TBCD: variants seen among roughly 807,000 people sequenced by gnomAD.
The protein encoded by TBCD is tubulin-specific chaperone D.
TBCD carries 105 observed loss-of-function variants against 169.3 expected under a neutral mutation model. The observed-to-expected ratio is 0.62, with a 90% CI of 0.53 to 0.73. The LOEUF (loss-of-function observed/expected upper bound fraction) is 0.73. TBCD is among the 30% of genes least tolerant of loss of function. TBCD has a pLI of 0.00. For missense variants in TBCD, 1,444 were observed against 1,600.1 expected (o/e 0.90, Z 1.66); for synonymous variants, 700 against 643.9 (o/e 1.09, Z -1.32).
chr17:82,926,985 G>A, intron 28 of TBCD: 1 of 711,584 alleles, frequency 1.4e-6, no homozygotes, highest in Admixed American at 3.0e-5. Flanking sequence ...TTCAACCGGA[G>A]AGACGGCAGA....
At position 82,756,154 on chromosome 17, in the gene TBCD, T is replaced by A; in HGVS notation, c.185-11T>A. On this transcript the variant is annotated splice_polypyrimidine_tract_variant and intron_variant, in intron 1 of 38. Coordinates refer to ENST00000355528, the MANE Select transcript of TBCD (RefSeq NM_005993.5). The stretch of plus-strand genomic sequence containing the variant: ...AGTGATAATTAATTTTCATGTTATA[T>A]TTGTTTTTAGTAATAATGGACAAAT... 6.2e-7 allele frequency: 1 copy of A among 1,601,120 alleles called. No homozygotes were observed. The highest frequency in any genetic ancestry group is 8.5e-7 in the Non-Finnish European group (1 of 1,173,166).
chr17:82,805,176 C>T (rs2050866426), intron 9 of TBCD, among the ~76,000 whole-genome samples: 1 of 152,222 alleles, frequency 6.6e-6, no homozygotes. Flanking sequence ...TCTGACGGCT[C>T]CTCACACAGC....
chr17:82,888,776 C>T (rs551671518), intron 15 of TBCD, among the ~76,000 whole-genome samples: 40 of 152,368 alleles, frequency 2.6e-4, no homozygotes, highest in African/African-American at 9.1e-4. Flanking sequence ...CAGCAGCCAT[C>T]GCTCAACCTT....
intron 13 of TBCD, among the ~76,000 whole-genome samples, chr17:82,844,752 T>G (rs1400824673): frequency 1.1e-5 from 1 of 90,982 alleles, no homozygotes; most frequent in African/African-American, 3.2e-5. Flanking sequence ...TTCAACCCCC[T>G]GTGTTACTCA....
Position 82,943,547 on chromosome 17 carries a change from CCTGGACA to C in TBCD, c.*1086_*1092del. 6.6e-6 allele frequency: 1 copy of C among 152,396 alleles called. No homozygotes were observed. Among genetic ancestry groups the C allele is most frequent in the South Asian group, 2.1e-4 (1 of 4,822 alleles). The allele number at this position is 152,396 out of a possible 1,614,324, so 9.4% of individuals were successfully genotyped here. A position where few individuals can be genotyped will look rare whatever the true frequency, so the allele number is the denominator to read the frequency against. ...GGCCTGCTCTCAGGTGGGGATGGGG[CCTGGACA>C]CAGGAACATGGGCAGGCCGAGAACT... On this transcript the variant is annotated 3_prime_UTR_variant, in exon 39 of 39. Coordinates refer to ENST00000355528, the MANE Select transcript of TBCD (RefSeq NM_005993.5).
At chr17:82,885,091 C>T (rs1276392886) in intron 15 of TBCD, among the ~76,000 whole-genome samples, 4 of 152,092 alleles carry the variant, frequency 2.6e-5, no homozygotes, top group Non-Finnish European at 4.4e-5. Flanking sequence ...TTGAGGGAGC[C>T]GTTCACACTC....
intron 13 of TBCD, among the ~76,000 whole-genome samples, chr17:82,842,419 G>T (rs112028689): frequency 0.019 from 2,846 of 152,266 alleles, 42 homozygotes; most frequent in Middle Eastern, 0.054. Context: ...CCTGGTCGAG[G>T]TGTTGTTTGG....
At position 82,863,393 on chromosome 17, in the gene TBCD, G is replaced by A. The variant is rs867516748; in HGVS notation, c.1319-6831G>A. ...CTGTACAGGACCCTTCAGTGATGAG[G>A]GTGGCCAGGCTCCAGCCAGGTCCTA... On this transcript the variant is annotated intron_variant, in intron 13 of 38. Transcript: ENST00000355528. Among the ~76,000 whole-genome samples the A allele has an allele frequency of 7.2e-5, 11 of 152,340 alleles. No homozygotes were observed. In the South Asian group the frequency reaches 1.5e-3, roughly 20 times the overall value.
intron 15 of TBCD, among the ~76,000 whole-genome samples, chr17:82,885,212 C>A (rs1177099214): frequency 6.6e-6 from 1 of 151,012 alleles, no homozygotes; most frequent in African/African-American, 2.4e-5. Context: ...TGGGACCAGG[C>A]GGAAGGGGTG....
At chr17:82,900,396 C>A (rs2059805447) in intron 17 of TBCD, 1 of 425,728 alleles carries the variant, frequency 2.3e-6, no homozygotes. Context: ...GTTTGTTTTC[C>A]CCGTGGATGA....
chr17:82,790,162 C>T (rs1169320235), intron 7 of TBCD, among the ~76,000 whole-genome samples: 5 of 152,180 alleles, frequency 3.3e-5, no homozygotes, highest in Non-Finnish European at 7.3e-5. Context: ...GAGCCATTTC[C>T]TTCTGTGAAG....
chr17:82,817,620 G>GT (rs1363091111), intron 13 of TBCD, among the ~76,000 whole-genome samples: 1 of 151,994 alleles, frequency 6.6e-6, no homozygotes, highest in African/African-American at 2.4e-5. Context: ...AATTAAAAAA[G>GT]TTTTTTGTAG....
intron 13 of TBCD, among the ~76,000 whole-genome samples, chr17:82,838,034 A>G (rs1445312444): frequency 2.0e-5 from 3 of 152,236 alleles, no homozygotes; most frequent in Non-Finnish European, 4.4e-5. Flanking sequence ...TTGTGTGCTC[A>G]GCCGATGCAC....
At chr17:82,755,489 G>A (rs561092106) in intron 1 of TBCD, among the ~76,000 whole-genome samples, 2 of 152,196 alleles carry the variant, frequency 1.3e-5, no homozygotes, top group Non-Finnish European at 2.9e-5. Flanking sequence ...CCTGCTGTCT[G>A]TCATGTGATG....
intron 4 of TBCD, among the ~76,000 whole-genome samples, chr17:82,767,485 A>G (rs1425336799): frequency 1.3e-5 from 2 of 151,768 alleles, no homozygotes; most frequent in Non-Finnish European, 2.9e-5. Flanking sequence ...CTTCTTGCCC[A>G]GGTTGGAGAG....
chr17:82,831,477 A>G lies in TBCD; in HGVS notation c.1318+16543A>G, dbSNP rs759755245. ...GTCTGAGACCATAGGAGGAAAATGC[A>G]GACTCTGGCCTGTAAAATCCGTAAG... On this transcript the variant is annotated intron_variant, in intron 13 of 38. Transcript: ENST00000355528. This position sits in a 1 kb window ranked among gnomAD's most constrained non-coding sequence, Gnocchi z 4.6. 1 of 1,614,194 alleles carries G rather than the reference A, an allele frequency of 6.2e-7. No individual in the cohort carries two copies.
At chr17:82,870,522 G>A (rs888374148) in intron 14 of TBCD, 142 bp downstream of exon 14, 6 of 1,149,692 alleles carry the variant, frequency 5.2e-6, no homozygotes, top group Non-Finnish European at 7.2e-6. Flanking sequence ...CAAAGCCACC[G>A]CTTGGAGGTC....
intron 19 of TBCD, among the ~76,000 whole-genome samples, chr17:82,904,886 C>A (rs1370943814): frequency 6.6e-6 from 1 of 152,162 alleles, no homozygotes; most frequent in Non-Finnish European, 1.5e-5. Flanking sequence ...TTGTCCTCCA[C>A]CCGGTTGAAG....
chr17:82,862,208 C>T (rs1275679836), intron 13 of TBCD, among the ~76,000 whole-genome samples: 2 of 152,178 alleles, frequency 1.3e-5, no homozygotes, highest in Non-Finnish European at 2.9e-5. Flanking sequence ...AGGCGTGAGC[C>T]ACTGCGCCCG....
Sources: gnomAD v4.1 joint callset for allele counts (sites outside exome capture counted in the v4.1 genomes callset) on GRCh38, gnomAD v4.1.1 for gene constraint, Gnocchi (gnomAD v3.1) non-coding constraint, MANE v1.5 for transcripts, NCBI Gene and HGNC (gene_info 2026-07-23, HGNC 2026-07-21) for gene names.